RPS6KA1: variants seen among roughly 807,000 people sequenced by gnomAD.
RPS6KA1 encodes the protein ribosomal protein S6 kinase alpha-1.
A neutral mutation model predicts 91.3 loss-of-function variants in RPS6KA1; 48 were observed. That is an observed-to-expected ratio of 0.53 (90% CI 0.42 to 0.67). The LOEUF is 0.67. Among genes scored for constraint, RPS6KA1 ranks in the 30% least tolerant of loss-of-function variants. The pLI, the probability that RPS6KA1 is intolerant of heterozygous loss-of-function variation, is 0.00. For synonymous variants in RPS6KA1, 359 were observed against 384.7 expected (o/e 0.93, Z 0.78); for missense variants, 719 against 960.5 (o/e 0.75, Z 3.32).
rs375204707 is a variant in RPS6KA1 at position 26,555,256 on chromosome 1, C to T, written c.827+35C>T. 5.0e-6 allele frequency: 8 copies of T among 1,600,292 alleles called. No individual in the cohort carries two copies. In the South Asian group the frequency reaches 7.7e-5, roughly 15 times the overall value. On this transcript the variant is annotated intron_variant, in intron 10 of 21. Coordinates refer to ENST00000374168, the MANE Select transcript of RPS6KA1 (RefSeq NM_002953.4). This position sits in a 1 kb window ranked among gnomAD's most constrained non-coding sequence, Gnocchi z 4.3. ...AGCCCTGCCCTGATAACAATGGACT[C>T]CTCCAAGCCCCAGCCCCAGTTTGGG...
chr1:26,566,600 A>G (rs2076204838), intron 17 of RPS6KA1, among the ~76,000 whole-genome samples: 1 of 151,752 alleles, frequency 6.6e-6, no homozygotes, highest in Admixed American at 6.6e-5. Flanking sequence ...TGTAGTTTTA[A>G]TTTGCATTTT....
In RPS6KA1 at chr1:26,551,295, A is replaced by C; in HGVS notation, c.308-102A>C. ...CTGGGTGAGGGGGCTTTGGGAGCTC[A>C]GGCCTGGAGGAACAAGTGGAAAAGA... On this transcript the variant is annotated intron_variant, in intron 4 of 21. Coordinates refer to ENST00000374168, the MANE Select transcript of RPS6KA1 (RefSeq NM_002953.4). The surrounding 1 kb of genome is among the most constrained non-coding windows in gnomAD (Gnocchi z 4.5). 1 of 1,006,052 alleles carries C rather than the reference A, an allele frequency of 9.9e-7. No individual in the cohort carries two copies. The highest frequency in any genetic ancestry group is 1.5e-6 in the Non-Finnish European group (1 of 647,670). The allele number at this position is 1,006,052 out of a possible 1,614,324, so 62.3% of individuals were successfully genotyped here.
chr1:26,530,062 C>T (rs552859676), intron 1 of RPS6KA1, 79 bp downstream of exon 1: 4 of 1,038,694 alleles, frequency 3.9e-6, no homozygotes, highest in South Asian at 7.3e-5. Context: ...CCCGAAGCGC[C>T]GCTGCAGTCC....
chr1:26,565,644 C>G (rs2076194298), intron 17 of RPS6KA1, among the ~76,000 whole-genome samples: 1 of 151,834 alleles, frequency 6.6e-6, no homozygotes, highest in African/African-American at 2.4e-5. Flanking sequence ...TCACTGCAAC[C>G]TCTGCCTCCC....
chr1:26,556,232 G>T, intron 11 of RPS6KA1: 2 of 227,804 alleles, frequency 8.8e-6, no homozygotes, highest in African/African-American at 2.3e-5. Flanking sequence ...GCTGTGTAAG[G>T]TCCAGTCAAG....
At chr1:26,543,176 A>G in intron 2 of RPS6KA1, 1 of 1,535,718 alleles carries the variant, frequency 6.5e-7, no homozygotes, top group East Asian at 2.4e-5. Flanking sequence ...AGACCCCAGC[A>G]GATTTCCCCA....
chr1:26,545,693 G>A (rs2075988174), intron 2 of RPS6KA1: 1 of 690,690 alleles, frequency 1.4e-6, no homozygotes, highest in Non-Finnish European at 2.2e-6. Flanking sequence ...GCAGCCCTCA[G>A]GCTCTGAGGA....
intron 6 of RPS6KA1, among the ~76,000 whole-genome samples, chr1:26,553,118 T>C (rs1391766281): frequency 6.6e-6 from 1 of 152,222 alleles, no homozygotes; most frequent in Non-Finnish European, 1.5e-5. Flanking sequence ...AGCACTCCAT[T>C]ATGCAGGGGA....
intron 20 of RPS6KA1, 95 bp downstream of exon 20, chr1:26,572,388 C>A: frequency 1.2e-6 from 1 of 801,178 alleles, no homozygotes; most frequent in Non-Finnish European, 2.1e-6. Context: ...CTCATTTCTC[C>A]AAGCGGATGT....
intron 17 of RPS6KA1, among the ~76,000 whole-genome samples, chr1:26,568,770 A>T (rs1167582819): frequency 1.3e-5 from 2 of 152,098 alleles, no homozygotes; most frequent in Non-Finnish European, 2.9e-5. Flanking sequence ...AATTAATTTA[A>T]AAAAAAGGTC....
intron 13 of RPS6KA1, 72 bp downstream of exon 13, chr1:26,557,172 G>A: frequency 1.6e-6 from 2 of 1,235,844 alleles, no homozygotes; most frequent in South Asian, 2.4e-5. Context: ...GGCAGCTTGG[G>A]GGGCAGAGAT....
intron 11 of RPS6KA1, chr1:26,556,303 A>G: frequency 2.8e-6 from 1 of 351,100 alleles, no homozygotes; most frequent in Non-Finnish European, 5.4e-6. Flanking sequence ...ATGGGATAAG[A>G]GGAACAGAGA....
In RPS6KA1 at chr1:26,561,754, G is replaced by A; in HGVS notation, c.1590+91G>A. ...ACCACCTGCTGGCCCAGGAATGGCA[G>A]CCTCCAGCTAGCCAAACTGAGGGGA... On this transcript the variant is annotated intron_variant, in intron 17 of 21. Coordinates refer to ENST00000374168, the MANE Select transcript of RPS6KA1 (RefSeq NM_002953.4). The surrounding 1 kb of genome is among the most constrained non-coding windows in gnomAD (Gnocchi z 5.7). 7.3e-7 allele frequency: 1 copy of A among 1,372,226 alleles called. No individual in the cohort carries two copies. The highest frequency in any genetic ancestry group is 9.9e-7 in the Non-Finnish European group (1 of 1,006,084). The allele number at this position is 1,372,226 out of a possible 1,614,324, so 85.0% of individuals were successfully genotyped here.
chr1:26,559,419 T>G (rs1476619080), intron 14 of RPS6KA1, among the ~76,000 whole-genome samples: 1 of 152,028 alleles, frequency 6.6e-6, no homozygotes, highest in Non-Finnish European at 1.5e-5. Context: ...CAGGCTGGAG[T>G]GCAGTGGCAC....
intron 14 of RPS6KA1, among the ~76,000 whole-genome samples, chr1:26,560,142 C>T (rs1160914816): frequency 6.6e-6 from 1 of 152,246 alleles, no homozygotes; most frequent in African/African-American, 2.4e-5. Flanking sequence ...TAGTCCAGGA[C>T]AAATATTAAA....
intron 17 of RPS6KA1, among the ~76,000 whole-genome samples, chr1:26,565,980 T>A (rs1346106590): frequency 6.6e-6 from 1 of 152,230 alleles, no homozygotes; most frequent in African/African-American, 2.4e-5. Flanking sequence ...CTCTACTGTA[T>A]GTATAATTGT....
Position 26,548,801 on chromosome 1 carries a change from G to GA in RPS6KA1, c.307+1544dup, listed in dbSNP as rs751538265. Among the ~76,000 whole-genome samples, 202 of 125,966 alleles carry GA rather than the reference G, an allele frequency of 1.6e-3. 4 individuals are homozygous for GA. Among genetic ancestry groups the GA allele is most frequent in the Middle Eastern group, 4.1e-3 (1 of 244 alleles). The allele number at this position is 125,966 out of a possible 152,430, so 82.6% of individuals were successfully genotyped here. On this transcript the variant is annotated intron_variant, in intron 4 of 21. Transcript: ENST00000374168. ...GCGATGAGAGCGAAACTCCATCTCA[G>GA]AAAAAAAAAAAAAGAAAAAAGAAAA...
At position 26,571,211 on chromosome 1, in the gene RPS6KA1, G is replaced by A. The variant is rs1570465425; in HGVS notation, c.1591-238G>A. On this transcript the variant is annotated intron_variant, in intron 17 of 21. Coordinates refer to ENST00000374168, the MANE Select transcript of RPS6KA1 (RefSeq NM_002953.4). This position sits in a 1 kb window ranked among gnomAD's most constrained non-coding sequence, Gnocchi z 5.1. Reference sequence around the variant, plus strand: ...GATTATGTGATGAGTAGGTTTTAGGGGAGAATTGAGAGTTCAGTTTTGACA... The same window carrying A: ...GATTATGTGATGAGTAGGTTTTAGGAGAGAATTGAGAGTTCAGTTTTGACA... 3 of 520,894 alleles carry A rather than the reference G, an allele frequency of 5.8e-6. No individual in the cohort carries two copies. The East Asian group carries it at 9.5e-5, about 17-fold the overall frequency. The allele number at this position is 520,894 out of a possible 1,614,324, so 32.3% of individuals were successfully genotyped here.
intron 14 of RPS6KA1, among the ~76,000 whole-genome samples, chr1:26,559,141 C>T (rs1000192747): frequency 2.6e-5 from 4 of 152,168 alleles, no homozygotes; most frequent in Admixed American, 6.5e-5. Context: ...CATTTCCCAG[C>T]ACAGAGCCAG....
Sources: allele counts gnomAD v4.1 joint callset (sites outside exome capture counted in the v4.1 genomes callset), GRCh38; gene constraint gnomAD v4.1.1; non-coding constraint Gnocchi (gnomAD v3.1); transcripts MANE v1.5; gene names NCBI Gene and HGNC (gene_info 2026-07-23, HGNC 2026-07-21).